The following ST6GALNAC5 variants were observed in gnomAD, a reference collection of about 807,000 sequenced individuals.
ST6GALNAC5 encodes alpha-N-acetylgalactosaminide alpha-2,6-sialyltransferase 5.
A neutral mutation model predicts 33.6 loss-of-function variants in ST6GALNAC5; 27 were observed. That is an observed-to-expected ratio of 0.80 (90% CI 0.59 to 1.11). The LOEUF (loss-of-function observed/expected upper bound fraction) is 1.11. Among genes scored for constraint, ST6GALNAC5 ranks in the 50% least tolerant of loss-of-function variants. The pLI is 0.00. For synonymous variants in ST6GALNAC5, 194 were observed against 171.2 expected, an observed-to-expected ratio of 1.13 and a Z score of -1.04; for missense variants, 428 against 454.0, an observed-to-expected ratio of 0.94 and a Z score of 0.52.
At position 76,867,544 on chromosome 1, in the gene ST6GALNAC5, C is replaced by T. The variant is rs1007696010; in HGVS notation, c.-132C>T. The T allele has an allele frequency of 6.8e-7, 1 of 1,462,574 alleles. No individual in the cohort carries two copies. The highest frequency in any genetic ancestry group is 1.4e-5 in the African/African-American group (1 of 71,720). The allele number at this position is 1,462,574 out of a possible 1,614,324, so 90.6% of individuals were successfully genotyped here. A position where few individuals can be genotyped will look rare whatever the true frequency, so the allele number is the denominator to read the frequency against. On this transcript the variant is annotated 5_prime_UTR_variant, in exon 1 of 5. Coordinates refer to ENST00000477717, the MANE Select transcript of ST6GALNAC5 (RefSeq NM_030965.3). ...TCCCGGGTCCCGCGGCTCCCGCGCG[C>T]GATCTGCCGCGGCCGGCTGCTGGGC...
chr1:77,043,322 G>A (rs1651895055), intron 2 of ST6GALNAC5, among the ~76,000 whole-genome samples: 1 of 152,212 alleles, frequency 6.6e-6, no homozygotes, highest in Non-Finnish European at 1.5e-5. Flanking sequence ...TAGGTGTTTT[G>A]AAAGCAAATC....
Position 76,990,467 on chromosome 1 carries a change from GC to G in ST6GALNAC5, c.262-53735del, listed in dbSNP as rs1272365075. On this transcript the variant is annotated intron_variant, in intron 2 of 4. Coordinates refer to ENST00000477717, the MANE Select transcript of ST6GALNAC5 (RefSeq NM_030965.3). ...TCAGTTCTGTCAGGGTGAAATGTGCGCCTTCTCAGCCTTCTGTCTTCTTTGG... is the reference window on the plus strand; with the variant it reads ...TCAGTTCTGTCAGGGTGAAATGTGCGCTTCTCAGCCTTCTGTCTTCTTTGG... 5.9e-5 allele frequency among the ~76,000 whole-genome samples: 9 copies of G among 152,198 alleles called. No homozygotes were observed. In the South Asian group the frequency reaches 6.2e-4, roughly 11 times the overall value.
chr1:76,983,997 G>C (rs1486277052), intron 2 of ST6GALNAC5, among the ~76,000 whole-genome samples: 1 of 152,222 alleles, frequency 6.6e-6, no homozygotes, highest in Non-Finnish European at 1.5e-5. Context: ...GAATCTCTGG[G>C]ACACATTTAA....
chr1:76,936,953 G>GGCGTGTGTGTGC (rs138095164), intron 2 of ST6GALNAC5, among the ~76,000 whole-genome samples: 1 of 139,946 alleles, frequency 7.1e-6, no homozygotes, highest in Non-Finnish European at 1.5e-5. Flanking sequence ...AGAGAAGCAG[G>GGCGTGTGTGTGC]GTGTGTGTGT....
chr1:77,036,450 T>A (rs919836620), intron 2 of ST6GALNAC5, among the ~76,000 whole-genome samples: 2 of 152,194 alleles, frequency 1.3e-5, no homozygotes, highest in Non-Finnish European at 2.9e-5. Flanking sequence ...TAAAAATAAT[T>A]TTACAAATAG....
chr1:77,025,780 TC>T (rs1219049525), intron 2 of ST6GALNAC5, among the ~76,000 whole-genome samples: 1 of 151,974 alleles, frequency 6.6e-6, no homozygotes, highest in African/African-American at 2.4e-5. Context: ...TCAGGCTCCC[TC>T]CCTCCTGCTG....
intron 2 of ST6GALNAC5, among the ~76,000 whole-genome samples, chr1:76,926,561 C>G (rs1368404351): frequency 6.6e-6 from 1 of 152,116 alleles, no homozygotes; most frequent in Non-Finnish European, 1.5e-5. Flanking sequence ...GATAGATGTT[C>G]TAGAATGTAC....
chr1:77,039,294 A>G (rs1457640625), intron 2 of ST6GALNAC5, among the ~76,000 whole-genome samples: 2 of 152,198 alleles, frequency 1.3e-5, no homozygotes, highest in Non-Finnish European at 2.9e-5. Context: ...GGGATTAATA[A>G]CTGGCTGGGC....
Position 76,988,182 on chromosome 1 carries a change from T to G in ST6GALNAC5, c.262-56022T>G, listed in dbSNP as rs142926170. ...TCTATTGCTGAGACTTTCCTGTGCA[T>G]TTTGCATTTCTTTAAGTGTGCCCTT... On this transcript the variant is annotated intron_variant, in intron 2 of 4. Transcript: ENST00000477717. Among the ~76,000 whole-genome samples, 590 of 152,270 alleles carry G rather than the reference T, an allele frequency of 3.9e-3. 8 individuals carry two copies. The highest frequency in any genetic ancestry group is 0.027 in the Admixed American group (412 of 15,272).
chr1:76,956,653 A>C (rs1648002381), intron 2 of ST6GALNAC5, among the ~76,000 whole-genome samples: 1 of 151,808 alleles, frequency 6.6e-6, no homozygotes, highest in Admixed American at 6.6e-5. Flanking sequence ...TCAGTGGAGG[A>C]ACTGTTTTGT....
At chr1:77,006,198 AG>A (rs1469884940) in intron 2 of ST6GALNAC5, among the ~76,000 whole-genome samples, 1 of 151,892 alleles carries the variant, frequency 6.6e-6, no homozygotes, top group African/African-American at 2.4e-5. Flanking sequence ...TCTGTTGCCC[AG>A]GCTAGGCTTC....
chr1:77,008,607 G>A (rs1650512797), intron 2 of ST6GALNAC5, among the ~76,000 whole-genome samples: 1 of 152,038 alleles, frequency 6.6e-6, no homozygotes, highest in African/African-American at 2.4e-5. Flanking sequence ...TCGGCTCACT[G>A]CAGCCTCTGC....
At chr1:76,879,774 G>A (rs1446057155) in intron 2 of ST6GALNAC5, among the ~76,000 whole-genome samples, 1 of 151,928 alleles carries the variant, frequency 6.6e-6, no homozygotes, top group Non-Finnish European at 1.5e-5. Flanking sequence ...TGTTCCTTCT[G>A]GCAAAAAAGG....
chr1:77,053,130 T>G (rs186794180), intron 4 of ST6GALNAC5, among the ~76,000 whole-genome samples: 68 of 152,252 alleles, frequency 4.5e-4, no homozygotes, highest in African/African-American at 1.6e-3. Flanking sequence ...CACCAGAGAA[T>G]GAAAAAGCAA....
At position 76,890,185 on chromosome 1, in the gene ST6GALNAC5, T is replaced by TA. The variant is rs1653983373; in HGVS notation, c.261+21444dup. On this transcript the variant is annotated intron_variant, in intron 2 of 4. Transcript: ENST00000477717. Reference sequence around the variant, plus strand: ...AACTAAAGCTTTACTAAAATAAGCCTAGACCTTCTGCACACATGCCAATAG... The same window carrying TA: ...AACTAAAGCTTTACTAAAATAAGCCTAAGACCTTCTGCACACATGCCAATAG... Among the ~76,000 whole-genome samples the TA allele has an allele frequency of 2.0e-5, 3 of 152,338 alleles. No homozygotes were observed. In the South Asian group the frequency reaches 6.2e-4, roughly 32 times the overall value.
chr1:76,941,563 A>G (rs1036605172), intron 2 of ST6GALNAC5, among the ~76,000 whole-genome samples: 1 of 152,096 alleles, frequency 6.6e-6, no homozygotes, highest in African/African-American at 2.4e-5. Flanking sequence ...AGGCTCTTCA[A>G]ATGAGATTAT....
chr1:76,945,780 C>T (rs1413998855), intron 2 of ST6GALNAC5, among the ~76,000 whole-genome samples: 1 of 152,130 alleles, frequency 6.6e-6, no homozygotes, highest in Non-Finnish European at 1.5e-5. Flanking sequence ...TGTTACATCC[C>T]AACCTCCATT....
At chr1:76,957,227 G>T (rs1043917633) in intron 2 of ST6GALNAC5, among the ~76,000 whole-genome samples, 3 of 152,120 alleles carry the variant, frequency 2.0e-5, no homozygotes, top group Admixed American at 6.6e-5. Flanking sequence ...CCCTCTGAAG[G>T]CTCCAGGGAA....
chr1:77,036,711 A>G (rs1187024029), intron 2 of ST6GALNAC5, among the ~76,000 whole-genome samples: 7 of 152,368 alleles, frequency 4.6e-5, no homozygotes, highest in South Asian at 4.1e-4. Flanking sequence ...ATGGCTTATC[A>G]TTCACTTATT....
Sources: gnomAD v4.1 joint callset for allele counts (sites outside exome capture counted in the v4.1 genomes callset) on GRCh38, gnomAD v4.1.1 for gene constraint, MANE v1.5 for transcripts, NCBI Gene and HGNC (gene_info 2026-07-23, HGNC 2026-07-21) for gene names.